The following GPNMB variants were observed in gnomAD, a reference collection of about 807,000 sequenced individuals.
The protein encoded by GPNMB is transmembrane glycoprotein NMB.
Under a neutral mutation model 57.3 loss-of-function variants are expected in GPNMB, and 71 were observed. The ratio of observed to expected loss-of-function variants is 1.24; its 90% CI spans 1.02 to 1.51. The LOEUF is 1.51. Among genes scored for constraint, GPNMB ranks in the 40% most tolerant of loss-of-function variants. The pLI, the probability that GPNMB is intolerant of heterozygous loss-of-function variation, is 0.00. For missense variants in GPNMB, 677 were observed against 691.9 expected, an observed-to-expected ratio of 0.98 and a Z score of 0.24; for synonymous variants, 253 against 263.2, an observed-to-expected ratio of 0.96 and a Z score of 0.38.
At chr7:23,248,367 A>G (rs1441468695) in intron 1 of GPNMB, among the ~76,000 whole-genome samples, 4 of 152,172 alleles carry the variant, frequency 2.6e-5, no homozygotes, top group African/African-American at 7.2e-5. Context: ...GCTCTGCTCA[A>G]TAAAACAGAT....
intron 6 of GPNMB, among the ~76,000 whole-genome samples, chr7:23,262,078 T>G (rs1288840201): frequency 6.6e-6 from 1 of 151,696 alleles, no homozygotes; most frequent in Non-Finnish European, 1.5e-5. Flanking sequence ...TCATGACGTC[T>G]GGGGCTTCTT....
At chr7:23,266,210 A>G (rs149955926) in intron 6 of GPNMB, 4 of 295,812 alleles carry the variant, frequency 1.4e-5, no homozygotes, top group African/African-American at 8.8e-5. Flanking sequence ...CGGCCTCCCA[A>G]AGTGCTGGGA....
chr7:23,255,684 T>G (rs1411316891), intron 3 of GPNMB, among the ~76,000 whole-genome samples: 1 of 152,178 alleles, frequency 6.6e-6, no homozygotes. Context: ...GATATACTGT[T>G]GGTGATTTGT....
chr7:23,266,005 GT>G (rs376350910), intron 6 of GPNMB: 2 of 154,614 alleles, frequency 1.3e-5, no homozygotes, highest in African/African-American at 4.9e-5. Context: ...CTGGAGTACA[GT>G]GGCGCCATCT....
chr7:23,260,852 C>T (rs1216616445), intron 6 of GPNMB, 79 bp downstream of exon 6: 15 of 1,130,900 alleles, frequency 1.3e-5, no homozygotes, highest in Non-Finnish European at 1.8e-5. Flanking sequence ...TATTAAATCC[C>T]TCCTTAAGGG....
At chr7:23,268,580 T>G (rs1390262408) in intron 8 of GPNMB, among the ~76,000 whole-genome samples, 1 of 152,232 alleles carries the variant, frequency 6.6e-6, no homozygotes, top group East Asian at 1.9e-4. Context: ...ATATAAATAC[T>G]ATATCGATTA....
At chr7:23,272,477 G>C (rs1387962648) in intron 9 of GPNMB, among the ~76,000 whole-genome samples, 1 of 151,866 alleles carries the variant, frequency 6.6e-6, no homozygotes, top group Non-Finnish European at 1.5e-5. Context: ...GAGAGAGAAA[G>C]AGAGAGAAAA....
At chr7:23,256,858 A>G (rs758693391) in intron 3 of GPNMB, 34 bp from the exon 4 acceptor site, 2 of 1,594,164 alleles carry the variant, frequency 1.3e-6, no homozygotes, top group Non-Finnish European at 1.7e-6. Flanking sequence ...CTGAGCCTAG[A>G]TAACACTCAT....
At chr7:23,263,955 G>T (rs1486399022) in intron 6 of GPNMB, among the ~76,000 whole-genome samples, 1 of 152,160 alleles carries the variant, frequency 6.6e-6, no homozygotes, top group Non-Finnish European at 1.5e-5. Context: ...CAGGAGTGAG[G>T]CAGAAGCCAG....
chr7:23,260,188 G>A (rs766554824), intron 5 of GPNMB, 50 bp downstream of exon 5: 20 of 1,586,828 alleles, frequency 1.3e-5, no homozygotes, highest in Admixed American at 3.4e-5. Context: ...TTCTGTTGAC[G>A]TCAATGGGTT....
intron 1 of GPNMB, among the ~76,000 whole-genome samples, chr7:23,249,065 C>A (rs769071212): frequency 6.6e-6 from 1 of 152,012 alleles, no homozygotes; most frequent in Admixed American, 6.6e-5. Flanking sequence ...GCATGAGCCA[C>A]CTTATCCGGA....
At position 23,257,040 on chromosome 7, in the gene GPNMB, T is replaced by C. The variant is rs758710963; in HGVS notation, c.516T>C (p.Asn172=). 2 of 1,614,206 alleles carry C rather than the reference T, an allele frequency of 1.2e-6. No homozygotes were observed. The highest frequency in any genetic ancestry group is 1.7e-5 in the Admixed American group (1 of 60,030). Residue 172 remains asparagine (N), a synonymous_variant, in exon 4 of 11, where the codon AAT becomes AAC. Transcript: ENST00000258733. ...ACCACCCCGGATGGAGAAGATGGAATTTCATCTACGTCTTCCACACACTTG... is the reference window on the plus strand; with the variant it reads ...ACCACCCCGGATGGAGAAGATGGAACTTCATCTACGTCTTCCACACACTTG... ...FPHHPGWRRW[N]FIYVFHTLGQ...
chr7:23,263,062 C>G (rs1782968540), intron 6 of GPNMB, among the ~76,000 whole-genome samples: 1 of 152,062 alleles, frequency 6.6e-6, no homozygotes, highest in Admixed American at 6.5e-5. Context: ...TATTAATGAT[C>G]TTCTTTACAA....
intron 8 of GPNMB, among the ~76,000 whole-genome samples, chr7:23,269,444 A>G (rs1449071002): frequency 2.0e-5 from 3 of 152,226 alleles, no homozygotes; most frequent in Non-Finnish European, 1.5e-5. Flanking sequence ...CATGTCATAT[A>G]TCTAAAACTC....
chr7:23,269,660 T>A (rs1783150553), intron 8 of GPNMB, among the ~76,000 whole-genome samples: 1 of 152,144 alleles, frequency 6.6e-6, no homozygotes, highest in Non-Finnish European at 1.5e-5. Flanking sequence ...GTAGAAGGAA[T>A]ATAGAGGGAG....
intron 9 of GPNMB, among the ~76,000 whole-genome samples, chr7:23,271,321 T>A (rs1479345975): frequency 6.6e-6 from 1 of 152,206 alleles, no homozygotes; most frequent in Admixed American, 6.5e-5. Context: ...TGGCCATCGG[T>A]CTGGGGGTGG....
chr7:23,246,963 T>C (rs1404252676), intron 1 of GPNMB, 36 bp downstream of exon 1: 1 of 1,478,304 alleles, frequency 6.8e-7, no homozygotes, highest in Non-Finnish European at 9.5e-7. Flanking sequence ...TAACCCATTC[T>C]CTGGCCATTG....
chr7:23,266,411 A>AT (rs1466749939), intron 6 of GPNMB, 106 bp from the exon 7 acceptor site: 1 of 1,140,264 alleles, frequency 8.8e-7, no homozygotes, highest in Admixed American at 2.2e-5. Flanking sequence ...TGTTCCTGAT[A>AT]TTTTTCTAAA....
chr7:23,273,542 T>C lies in GPNMB; in HGVS notation c.1451T>C (p.Met484Thr). The C allele has an allele frequency of 1.2e-6, 2 of 1,613,568 alleles. No individual in the cohort carries two copies. The highest frequency in any genetic ancestry group is 1.7e-6 in the Non-Finnish European group (2 of 1,179,446). The change falls in exon 10 of 11, where the codon ATG becomes ACG. Residue 484 changes from methionine to threonine, a missense_variant. Physicochemically the swap from Met to Thr is moderately conservative, Grantham distance 81. Transcript: ENST00000258733. ...TAAGACCCAGCCTCGCCTTTAAGGA[T>C]GGCAAACAGTGCCCTGATCTCCGTT... Reference protein sequence around the residue: ...PDRDPASPLRMANSALISVGC... With the variant: ...PDRDPASPLRTANSALISVGC...
Sources: allele counts gnomAD v4.1 joint callset (sites outside exome capture counted in the v4.1 genomes callset), GRCh38; gene constraint gnomAD v4.1.1; transcripts MANE v1.5; gene names NCBI Gene and HGNC (gene_info 2026-07-23, HGNC 2026-07-21).